RASGRP3: variants seen among roughly 807,000 people sequenced by gnomAD.
RASGRP3 encodes the protein RAS guanyl releasing protein 3, also known as ras guanyl-releasing protein 3.
Under a neutral mutation model 82.7 loss-of-function variants are expected in RASGRP3, and 54 were observed. That is an observed-to-expected ratio of 0.65 (90% confidence interval 0.52 to 0.82). The LOEUF (loss-of-function observed/expected upper bound fraction) is 0.82, where lower values mean the gene tolerates loss of function less well. Ranked by LOEUF, RASGRP3 falls within the 40% of genes least tolerant of loss-of-function variation. The probability of loss-of-function intolerance (pLI) is 0.00; values close to 1 mark genes in which losing one functional copy is unlikely to be tolerated. For missense variants in RASGRP3, 861 were observed against 828.9 expected (o/e 1.04, Z -0.48); for synonymous variants, 309 against 300.5 (o/e 1.03, Z -0.29).
chr2:33,470,234 T>A (rs1249472019), intron 2 of RASGRP3, among the ~76,000 whole-genome samples: 2 of 152,148 alleles, frequency 1.3e-5, no homozygotes, highest in Non-Finnish European at 2.9e-5. Flanking sequence ...AGTTTTCCAG[T>A]ACAGAAAAAC....
chr2:33,499,883 G>T (rs1669704661), intron 1 of RASGRP3, among the ~76,000 whole-genome samples: 1 of 152,148 alleles, frequency 6.6e-6, no homozygotes, highest in Admixed American at 6.5e-5. Flanking sequence ...AAGATATCAG[G>T]CACACTTCTG....
chr2:33,520,398 G>C (rs1031991226), intron 5 of RASGRP3, among the ~76,000 whole-genome samples, 155 bp from the exon 6 acceptor site: 1 of 152,206 alleles, frequency 6.6e-6, no homozygotes, highest in African/African-American at 2.4e-5. Context: ...CCATGTGATG[G>C]ATGGGGTTTT....
intron 11 of RASGRP3, among the ~76,000 whole-genome samples, chr2:33,537,592 CT>C (rs1251740804): frequency 6.6e-6 from 1 of 152,050 alleles, no homozygotes; most frequent in African/African-American, 2.4e-5. Flanking sequence ...AACTCCTGGC[CT>C]CAGGTGATCC....
Position 33,542,099 on chromosome 2 carries a change from C to A in RASGRP3, c.1279-1413C>A, listed in dbSNP as rs544434870. ...GTAGCCTGGGCAACAGAGTGAGATC[C>A]TGTCTCTAAAAAGAAAAATAAATAA... On this transcript the variant is annotated intron_variant, in intron 12 of 17. Coordinates refer to ENST00000403687, the MANE Select transcript of RASGRP3 (RefSeq NM_001139488.2). 3.4e-5 allele frequency among the ~76,000 whole-genome samples: 5 copies of A among 146,742 alleles called. No individual in the cohort carries two copies. In the East Asian group the frequency reaches 9.6e-4, roughly 28 times the overall value.
chr2:33,523,401 A>T (rs1672215072), intron 7 of RASGRP3, among the ~76,000 whole-genome samples: 1 of 151,410 alleles, frequency 6.6e-6, no homozygotes, highest in South Asian at 2.1e-4. Context: ...GGAGGCGGAG[A>T]TTGCAGTGAG....
intron 2 of RASGRP3, among the ~76,000 whole-genome samples, chr2:33,467,671 G>T (rs188236821): frequency 2.0e-5 from 3 of 152,302 alleles, no homozygotes; most frequent in Non-Finnish European, 4.4e-5. Context: ...GTGGAATTTG[G>T]TGTAGGGCAA....
chr2:33,496,904 A>G (rs1558445676), intron 1 of RASGRP3, among the ~76,000 whole-genome samples: 1 of 152,132 alleles, frequency 6.6e-6, no homozygotes, highest in Non-Finnish European at 1.5e-5. Context: ...CCCTACTCCC[A>G]TCACATTGCT....
rs140481559 is a variant in RASGRP3 at position 33,504,122 on chromosome 2, C to A, written c.-260-7588C>A. ...TGATAAATTTCTGGATTGCAAATTGCATATGTCTATCCTATGCCTAATTCT... is the reference window on the plus strand; with the variant it reads ...TGATAAATTTCTGGATTGCAAATTGAATATGTCTATCCTATGCCTAATTCT... On this transcript the variant is annotated intron_variant, in intron 1 of 17. Coordinates refer to ENST00000403687, the MANE Select transcript of RASGRP3 (RefSeq NM_001139488.2). 1.0e-3 allele frequency among the ~76,000 whole-genome samples: 157 copies of A among 152,290 alleles called. 2 individuals are homozygous for A. Among genetic ancestry groups the A allele is most frequent in the African/African-American group, 3.7e-3 (153 of 41,554 alleles).
intron 1 of RASGRP3, among the ~76,000 whole-genome samples, chr2:33,499,915 C>T (rs918980276): frequency 7.9e-5 from 12 of 152,072 alleles, no homozygotes; most frequent in South Asian, 2.1e-4. Flanking sequence ...AGAAAAAATA[C>T]AGTTTTGTTC....
Position 33,515,059 on chromosome 2 carries a change from C to A in RASGRP3, c.-78C>A. On this transcript the variant is annotated 5_prime_UTR_variant, in exon 3 of 18. Transcript: ENST00000403687. Reference sequence around the variant, plus strand: ...ACAGGTCACCACTAGGCACTAACATCGCTGACTTGCATGATTATGGAGATG... The same window carrying A: ...ACAGGTCACCACTAGGCACTAACATAGCTGACTTGCATGATTATGGAGATG... 1 of 1,378,284 alleles carries A rather than the reference C, an allele frequency of 7.3e-7. No homozygotes were observed. The highest frequency in any genetic ancestry group is 1.7e-5 in the Admixed American group (1 of 59,640). 85.4% of individuals were successfully genotyped at this position (1,378,284 alleles called of 1,614,324 possible).
intron 7 of RASGRP3, 54 bp from the exon 8 acceptor site, chr2:33,523,825 T>A: frequency 6.9e-7 from 1 of 1,459,414 alleles, no homozygotes; most frequent in Non-Finnish European, 9.3e-7. Flanking sequence ...TTCTAATTTT[T>A]GATTTTACAA....
chr2:33,527,438 G>A, intron 10 of RASGRP3, 26 bp downstream of exon 10: 1 of 1,590,524 alleles, frequency 6.3e-7, no homozygotes, highest in Non-Finnish European at 8.6e-7. Flanking sequence ...CCAAGTTTGG[G>A]CTCAATAATT....
intron 2 of RASGRP3, among the ~76,000 whole-genome samples, chr2:33,471,084 A>G (rs1029506629): frequency 2.0e-5 from 3 of 152,110 alleles, no homozygotes; most frequent in Admixed American, 6.6e-5. Context: ...TTGATTTGAG[A>G]TTTGAATTAA....
Position 33,501,051 on chromosome 2 carries a change from G to A in RASGRP3, c.-260-10659G>A, listed in dbSNP as rs79616843. ...CAATTTTATCACTCCAAAAAGAAAC[G>A]GTGAACCCACTGCAGTCAATTCCCA... is the stretch of plus-strand genomic sequence containing the variant. On this transcript the variant is annotated intron_variant, in intron 1 of 17. Transcript: ENST00000403687. Among the ~76,000 whole-genome samples, 975 of 152,218 alleles carry A rather than the reference G, an allele frequency of 6.4e-3. 8 individuals carry two copies. Among genetic ancestry groups the A allele is most frequent in the African/African-American group, 0.023 (936 of 41,550 alleles).
chr2:33,500,015 C>A (rs1669718924), intron 1 of RASGRP3, among the ~76,000 whole-genome samples: 1 of 152,072 alleles, frequency 6.6e-6, no homozygotes, highest in South Asian at 2.1e-4. Context: ...CAAAATCCAC[C>A]TGGAAGGGTG....
At chr2:33,481,169 T>C (rs1667857562) in intron 1 of RASGRP3, 1 of 152,854 alleles carries the variant, frequency 6.5e-6, no homozygotes, top group African/African-American at 2.4e-5. Context: ...TTTTGTTTTG[T>C]TTTTGTTTTT....
At chr2:33,541,852 GA>G (rs1249242871) in intron 12 of RASGRP3, among the ~76,000 whole-genome samples, 1 of 147,196 alleles carries the variant, frequency 6.8e-6, no homozygotes, top group Non-Finnish European at 1.5e-5. Context: ...GTCATGCCAA[GA>G]AAGGCCTTTT....
chr2:33,453,902 T>G (rs1053744666), intron 2 of RASGRP3, among the ~76,000 whole-genome samples: 18 of 152,186 alleles, frequency 1.2e-4, no homozygotes, highest in Middle Eastern at 3.2e-3. Context: ...AAGTGGGGGT[T>G]TTTTTGGGTT....
chr2:33,534,458 G>A, intron 11 of RASGRP3, 58 bp downstream of exon 11: 2 of 1,142,440 alleles, frequency 1.8e-6, no homozygotes, highest in South Asian at 2.7e-5. Context: ...GTCATGTACA[G>A]TAATTGGCTA....
Sources: gnomAD v4.1 joint callset for allele counts (sites outside exome capture counted in the v4.1 genomes callset) on GRCh38, gnomAD v4.1.1 for gene constraint, MANE v1.5 for transcripts, NCBI Gene and HGNC (gene_info 2026-07-23, HGNC 2026-07-21) for gene names.